The following RIMBP2 variants were observed in gnomAD, a reference collection of about 807,000 sequenced individuals.
The protein encoded by RIMBP2 is RIMS binding protein 2, also known as RIMS-binding protein 2.
RIMBP2 carries 48 observed loss-of-function variants against 118.6 expected under a neutral mutation model. The ratio of observed to expected loss-of-function variants is 0.40; its 90% CI spans 0.32 to 0.51. The LOEUF (loss-of-function observed/expected upper bound fraction) is 0.51, where lower values mean the gene tolerates loss of function less well. RIMBP2 is among the 20% of genes least tolerant of loss of function. The pLI, the probability that RIMBP2 is intolerant of heterozygous loss-of-function variation, is 0.41. For missense variants in RIMBP2, 1,551 were observed against 1,768.3 expected, an observed-to-expected ratio of 0.88 and a Z score of 2.20; for synonymous variants, 762 against 742.9, an observed-to-expected ratio of 1.03 and a Z score of -0.42.
At chr12:130,414,504 C>T (rs2075981798) in intron 17 of RIMBP2, 198 bp from the exon 18 acceptor site, 1 of 510,824 alleles carries the variant, frequency 2.0e-6, no homozygotes, top group Admixed American at 3.6e-5. Flanking sequence ...CACAGCCACA[C>T]TCTGTACCTG....
At chr12:130,417,867 GA>G (rs377488513) in intron 17 of RIMBP2, among the ~76,000 whole-genome samples, 4,397 of 151,890 alleles carry the variant, frequency 0.029, 90 homozygotes, top group Middle Eastern at 0.051. Flanking sequence ...GAGAGAATGG[GA>G]GGGGAGAGGG....
intron 21 of RIMBP2, among the ~76,000 whole-genome samples, chr12:130,400,456 TC>T (rs2074421481): frequency 6.6e-6 from 1 of 152,196 alleles, no homozygotes. Context: ...TTGTCTAAAG[TC>T]GAGATCCATG....
At chr12:130,520,334 C>T (rs1283068142) in intron 2 of RIMBP2, among the ~76,000 whole-genome samples, 2 of 152,090 alleles carry the variant, frequency 1.3e-5, no homozygotes, top group African/African-American at 4.8e-5. Context: ...AATGTAGCTT[C>T]CCAAATTGGT....
At chr12:130,631,879 G>A (rs2062016720) in intron 1 of RIMBP2, among the ~76,000 whole-genome samples, 1 of 152,182 alleles carries the variant, frequency 6.6e-6, no homozygotes, top group Admixed American at 6.5e-5. Context: ...AACTACTGTT[G>A]CAGCACAAAA....
At chr12:130,436,303 G>A (rs2077509397) in intron 13 of RIMBP2, among the ~76,000 whole-genome samples, 1 of 152,160 alleles carries the variant, frequency 6.6e-6, no homozygotes, top group South Asian at 2.1e-4. Context: ...ATGTATGCAG[G>A]GGTCTATATG....
intron 2 of RIMBP2, among the ~76,000 whole-genome samples, chr12:130,579,651 C>T (rs1035191542): frequency 4.6e-5 from 7 of 152,122 alleles, no homozygotes; most frequent in Non-Finnish European, 7.4e-5. Context: ...TAGGGACCCC[C>T]AGCACACTCC....
intron 10 of RIMBP2, among the ~76,000 whole-genome samples, chr12:130,443,300 G>A (rs1487764176): frequency 1.3e-5 from 2 of 152,030 alleles, no homozygotes; most frequent in Non-Finnish European, 1.5e-5. Context: ...GGACATAGTG[G>A]GGACCGCTGT....
intron 1 of RIMBP2, chr12:130,658,421 C>T (rs547629763): frequency 1.3e-5 from 2 of 152,238 alleles, no homozygotes; most frequent in East Asian, 1.9e-4. Context: ...GCAATCGGTG[C>T]GAACACTCAC....
At position 130,445,157 on chromosome 12, in the gene RIMBP2, G is replaced by T; in HGVS notation, c.691+3C>A. On this transcript the variant is annotated splice_donor_region_variant and intron_variant, in intron 10 of 22. Coordinates refer to ENST00000690449, the MANE Select transcript of RIMBP2 (RefSeq NM_001393629.1). Reference sequence around the variant, plus strand: ...TCCGCCACAGCCATGTTCCAACAGAGACCTTCATAGAACCCATCCTCATCC... The same window carrying T: ...TCCGCCACAGCCATGTTCCAACAGATACCTTCATAGAACCCATCCTCATCC... 1 of 1,589,232 alleles carries T rather than the reference G, an allele frequency of 6.3e-7. No individual in the cohort carries two copies. Among genetic ancestry groups the T allele is most frequent in the Non-Finnish European group, 8.6e-7 (1 of 1,165,824 alleles).
intron 19 of RIMBP2, among the ~76,000 whole-genome samples, chr12:130,410,277 G>A (rs998694561): frequency 3.9e-5 from 6 of 152,194 alleles, no homozygotes; most frequent in Admixed American, 3.3e-4. Flanking sequence ...TATTCTGAAT[G>A]CAAATCCTTT....
rs146282875 is a variant in RIMBP2 at position 130,593,542 on chromosome 12, G to A, written c.-217+34780C>T. Reference sequence around the variant, plus strand: ...CTGAAGAAGGTCCCGCACCCTTGGCGGCTGGAGGGAGAGGAGAATCTGGGT... The same window carrying A: ...CTGAAGAAGGTCCCGCACCCTTGGCAGCTGGAGGGAGAGGAGAATCTGGGT... On this transcript the variant is annotated intron_variant, in intron 2 of 22. Transcript: ENST00000690449. Among the ~76,000 whole-genome samples the A allele has an allele frequency of 4.9e-3, 748 of 152,352 alleles. 2 individuals are homozygous for A. Among genetic ancestry groups the A allele is most frequent in the Middle Eastern group, 0.024 (7 of 294 alleles).
chr12:130,674,108 ACT>A (rs1283956864), intron 1 of RIMBP2, among the ~76,000 whole-genome samples: 2 of 151,808 alleles, frequency 1.3e-5, no homozygotes, highest in African/African-American at 2.4e-5. Context: ...ACAGAGTGAG[ACT>A]CTGTCTAAAA....
intron 2 of RIMBP2, among the ~76,000 whole-genome samples, chr12:130,554,632 C>T (rs964405920): frequency 6.6e-6 from 1 of 152,300 alleles, no homozygotes; most frequent in East Asian, 1.9e-4. Context: ...TTTGAATTCA[C>T]TTACGTGCTG....
intron 11 of RIMBP2, 106 bp downstream of exon 11, chr12:130,441,742 A>G: frequency 1.0e-6 from 1 of 972,124 alleles, no homozygotes; most frequent in South Asian, 1.7e-5. Flanking sequence ...TCATGTTGTC[A>G]GGATGGGGAT....
intron 1 of RIMBP2, among the ~76,000 whole-genome samples, chr12:130,687,160 A>G (rs1362374762): frequency 6.6e-6 from 1 of 152,194 alleles, no homozygotes; most frequent in Non-Finnish European, 1.5e-5. Flanking sequence ...TACTTTATGA[A>G]TCAGAGACCC....
chr12:130,692,917 A>AGGGTAGGGTAGGATC (rs2065391981), intron 1 of RIMBP2, among the ~76,000 whole-genome samples: 1 of 151,744 alleles, frequency 6.6e-6, no homozygotes, highest in African/African-American at 2.4e-5. Flanking sequence ...AGGGTAGGAT[A>AGGGTAGGGTAGGATC]GGGTAGAGAG....
intron 11 of RIMBP2, among the ~76,000 whole-genome samples, chr12:130,439,130 CGT>C (rs748655683): frequency 3.3e-4 from 50 of 151,724 alleles, no homozygotes; most frequent in Non-Finnish European, 6.0e-4. Flanking sequence ...TCCATTTCTG[CGT>C]GTGTGTGTAT....
intron 12 of RIMBP2, among the ~76,000 whole-genome samples, chr12:130,437,565 C>T (rs1340966038): frequency 6.6e-6 from 1 of 152,246 alleles, no homozygotes; most frequent in African/African-American, 2.4e-5. Context: ...CCTCTGGACC[C>T]ATTCTGAGTA....
At chr12:130,527,684 A>G (rs1469895204) in intron 2 of RIMBP2, among the ~76,000 whole-genome samples, 1 of 152,166 alleles carries the variant, frequency 6.6e-6, no homozygotes, top group Non-Finnish European at 1.5e-5. Context: ...AATTTTTGCA[A>G]TCTATCCATT....
Sources: gnomAD v4.1 joint callset for allele counts (sites outside exome capture counted in the v4.1 genomes callset) on GRCh38, gnomAD v4.1.1 for gene constraint, MANE v1.5 for transcripts, NCBI Gene and HGNC (gene_info 2026-07-23, HGNC 2026-07-21) for gene names.